Variants in PRKCH observed in about 807,000 individuals in gnomAD.
The protein encoded by PRKCH is protein kinase C eta type.
In PRKCH, 28 loss-of-function variants were observed where a neutral mutation model predicts 82.5. The ratio of observed to expected loss-of-function variants is 0.34; its 90% CI spans 0.25 to 0.47. The LOEUF is 0.47. PRKCH is among the 20% of genes least tolerant of loss of function. The probability of loss-of-function intolerance (pLI) is 1.00; values close to 1 mark genes in which losing one functional copy is unlikely to be tolerated. For missense variants in PRKCH, 705 were observed against 881.8 expected (o/e 0.80, Z 2.54); for synonymous variants, 322 against 327.4 (o/e 0.98, Z 0.18).
At position 61,220,891 on chromosome 14, in the gene PRKCH, T is replaced by C. The variant is rs181013394; in HGVS notation, c.-19+33223T>C. ...TATTTATTCCTGTTCTCACATTTTA[T>C]TATATTTCCCTGGCAGACAGCCCAC... On this transcript the variant is annotated intron_variant, in intron 1 of 3. Coordinates refer to the PRKCH transcript ENST00000555185. 3.9e-5 allele frequency among the ~76,000 whole-genome samples: 6 copies of C among 152,302 alleles called. No individual in the cohort carries two copies. In the East Asian group the frequency reaches 9.6e-4, roughly 24 times the overall value.
At chr14:61,257,036 T>C (rs2140076964) in intron 1 of PRKCH, among the ~76,000 whole-genome samples, 1 of 152,350 alleles carries the variant, frequency 6.6e-6, no homozygotes, top group East Asian at 1.9e-4. Context: ...CAGGAAACAC[T>C]ACTAATATGC....
intron 1 of PRKCH, chr14:61,278,562 G>A (rs998538480): frequency 2.0e-5 from 3 of 152,198 alleles, no homozygotes; most frequent in South Asian, 2.1e-4. Flanking sequence ...TGCCTTGAGT[G>A]AGTATAATCA....
chr14:61,546,613 G>A (rs984343481), intron 12 of PRKCH, among the ~76,000 whole-genome samples: 4 of 152,146 alleles, frequency 2.6e-5, no homozygotes, highest in East Asian at 3.8e-4. Flanking sequence ...CTGTCTTTCC[G>A]TGTCTGCACC....
chr14:61,483,611 T>C (rs1886080222), intron 9 of PRKCH, among the ~76,000 whole-genome samples: 1 of 152,212 alleles, frequency 6.6e-6, no homozygotes, highest in Non-Finnish European at 1.5e-5. Flanking sequence ...AAGCCGTGCT[T>C]CCTTCTGATA....
Position 61,549,577 on chromosome 14 carries a change from A to G in PRKCH, c.1906-108A>G, listed in dbSNP as rs1021058352. On this transcript the variant is annotated intron_variant, in intron 13 of 13. Coordinates refer to ENST00000332981, the MANE Select transcript of PRKCH (RefSeq NM_006255.5). ...TAACTGTAAATAATGCTACTGAACA[A>G]GCTACAGAGCACTCCTCTGAACTCA... 27 of 1,202,124 alleles carry G rather than the reference A, an allele frequency of 2.2e-5. No homozygotes were observed. In the Admixed American group the frequency reaches 5.6e-4, roughly 25 times the overall value. 74.5% of individuals were successfully genotyped at this position (1,202,124 alleles called of 1,614,324 possible). A position where few individuals can be genotyped will look rare whatever the true frequency, so the allele number is the denominator to read the frequency against.
chr14:61,288,724 C>T (rs975140975), intron 1 of PRKCH, among the ~76,000 whole-genome samples: 5 of 152,216 alleles, frequency 3.3e-5, no homozygotes, highest in Non-Finnish European at 7.3e-5. Flanking sequence ...AGGAAGTTCA[C>T]TCAGAGCAGG....
intron 1 of PRKCH, among the ~76,000 whole-genome samples, chr14:61,193,172 AG>A (rs2044418591): frequency 6.6e-6 from 1 of 152,246 alleles, no homozygotes; most frequent in Non-Finnish European, 1.5e-5. Context: ...AAAGACCTAA[AG>A]GGTGGCAGGC....
At chr14:61,328,910 T>TGGGA (rs1566822842) in intron 1 of PRKCH, among the ~76,000 whole-genome samples, 2 of 150,694 alleles carry the variant, frequency 1.3e-5, no homozygotes. Flanking sequence ...CACTTGAGCC[T>TGGGA]GGGAGGTTGA....
At chr14:61,359,736 A>G (rs575189163) in intron 1 of PRKCH, among the ~76,000 whole-genome samples, 39 of 152,360 alleles carry the variant, frequency 2.6e-4, no homozygotes, top group Middle Eastern at 3.4e-3. Context: ...GTGCTGCCCA[A>G]TATGGTGGCC....
At chr14:61,457,978 A>G (rs1260547223) in intron 9 of PRKCH, among the ~76,000 whole-genome samples, 2 of 152,364 alleles carry the variant, frequency 1.3e-5, no homozygotes, top group Non-Finnish European at 2.9e-5. Context: ...GGTGAATGAA[A>G]GTTACAGCAG....
At chr14:61,347,598 C>G (rs889263570) in intron 1 of PRKCH, among the ~76,000 whole-genome samples, 1 of 152,290 alleles carries the variant, frequency 6.6e-6, no homozygotes, top group East Asian at 1.9e-4. Flanking sequence ...AGTAGTGGCC[C>G]GTATTAAGTA....
In PRKCH at chr14:61,321,660, T is replaced by TG. The variant is rs2045625086; in HGVS notation, c.-437dup. The TG allele has an allele frequency of 6.6e-6, 1 of 150,494 alleles. No homozygotes were observed. Among genetic ancestry groups the TG allele is most frequent in the East Asian group, 2.0e-4 (1 of 4,978 alleles). The allele number at this position is 150,494 out of a possible 1,614,324, so 9.3% of individuals were successfully genotyped here. On this transcript the variant is annotated 5_prime_UTR_variant, in exon 1 of 14. The change abolishes the stop of an existing upstream ORF in the 5' untranslated region. Coordinates refer to ENST00000332981, the MANE Select transcript of PRKCH (RefSeq NM_006255.5). This position sits in a 1 kb window ranked among gnomAD's most constrained non-coding sequence, Gnocchi z 4.1. ...GCTTCCTGGTTTGAAGCTCGCCGAG[T>TG]GGGGGAGAGCGTGAGCCTTCGGAGG...
intron 1 of PRKCH, among the ~76,000 whole-genome samples, chr14:61,258,034 C>T (rs2045014933): frequency 2.0e-5 from 3 of 151,848 alleles, no homozygotes; most frequent in Admixed American, 6.6e-5. Flanking sequence ...AAGAGAGAAA[C>T]GTACTGGCAG....
At chr14:61,223,896 C>T (rs1594860116) in intron 1 of PRKCH, among the ~76,000 whole-genome samples, 1 of 152,278 alleles carries the variant, frequency 6.6e-6, no homozygotes, top group Non-Finnish European at 1.5e-5. Context: ...ATGTCTGGCC[C>T]TCATTTAGTA....
chr14:61,450,012 A>G (rs1884426504), intron 5 of PRKCH, among the ~76,000 whole-genome samples: 1 of 152,148 alleles, frequency 6.6e-6, no homozygotes, highest in Non-Finnish European at 1.5e-5. Flanking sequence ...GTAAAAGCAG[A>G]TGGAGTGTTG....
chr14:61,288,516 A>C (rs1055544746), intron 1 of PRKCH, among the ~76,000 whole-genome samples: 7 of 152,228 alleles, frequency 4.6e-5, no homozygotes, highest in Non-Finnish European at 1.0e-4. Context: ...TTAATATTCA[A>C]TCTGGAGATC....
intron 1 of PRKCH, among the ~76,000 whole-genome samples, chr14:61,370,305 G>A (rs1201884287): frequency 6.6e-6 from 1 of 152,088 alleles, no homozygotes. Context: ...TTTGGTTGTT[G>A]GAGAAAAAGC....
At chr14:61,288,542 G>A (rs540554455) in intron 1 of PRKCH, among the ~76,000 whole-genome samples, 1 of 151,492 alleles carries the variant, frequency 6.6e-6, no homozygotes, top group Non-Finnish European at 1.5e-5. Flanking sequence ...CCCATGGAGT[G>A]TTGTAGGGGC....
At chr14:61,323,063 A>G (rs2045651251) in intron 1 of PRKCH, among the ~76,000 whole-genome samples, 1 of 152,096 alleles carries the variant, frequency 6.6e-6, no homozygotes, top group South Asian at 2.1e-4. Flanking sequence ...TGAGATTTAC[A>G]TATACTTGCA....
Sources: gnomAD v4.1 joint callset for allele counts (sites outside exome capture counted in the v4.1 genomes callset) on GRCh38, gnomAD v4.1.1 for gene constraint, Gnocchi (gnomAD v3.1) non-coding constraint, MANE v1.5 for transcripts, NCBI Gene and HGNC (gene_info 2026-07-23, HGNC 2026-07-21) for gene names.